MAP3K7CL: variants seen among roughly 807,000 people sequenced by gnomAD.
The protein encoded by MAP3K7CL is MAP3K7 C-terminal-like protein.
MAP3K7CL carries 16 observed loss-of-function variants against 18.6 expected under a neutral mutation model. The ratio of observed to expected loss-of-function variants is 0.86; its 90% CI spans 0.58 to 1.31. The LOEUF (loss-of-function observed/expected upper bound fraction) is 1.31, where lower values mean the gene tolerates loss of function less well. MAP3K7CL is among the 50% of genes most tolerant of loss of function. The probability of loss-of-function intolerance (pLI) is 0.00; values close to 1 mark genes in which losing one functional copy is unlikely to be tolerated. For synonymous variants in MAP3K7CL, 65 were observed against 66.8 expected (o/e 0.97, Z 0.13); for missense variants, 163 against 174.4 (o/e 0.93, Z 0.37).
chr21:29,121,373 A>G (rs989558844), intron 4 of MAP3K7CL, among the ~76,000 whole-genome samples: 1 of 152,166 alleles, frequency 6.6e-6, no homozygotes, highest in South Asian at 2.1e-4. Context: ...TAACGGTATC[A>G]GTTGTGCCTT....
chr21:29,101,280 A>G (rs948032137), intron 4 of MAP3K7CL, among the ~76,000 whole-genome samples: 5 of 152,358 alleles, frequency 3.3e-5, no homozygotes, highest in South Asian at 2.1e-4. Context: ...TGTCTAGCAC[A>G]GAGTATCTGC....
chr21:29,122,391 A>C (rs949730761), intron 4 of MAP3K7CL, among the ~76,000 whole-genome samples: 1 of 152,204 alleles, frequency 6.6e-6, no homozygotes, highest in African/African-American at 2.4e-5. Flanking sequence ...TTAACAGCTC[A>C]ATGTGACAGC....
chr21:29,113,026 C>T (rs1266573959), intron 4 of MAP3K7CL, among the ~76,000 whole-genome samples: 2 of 152,174 alleles, frequency 1.3e-5, no homozygotes, highest in African/African-American at 2.4e-5. Context: ...CCAGGCTAGT[C>T]TCAAACTCCT....
chr21:29,145,554 G>A (rs1367645957), intron 2 of MAP3K7CL: 1 of 151,542 alleles, frequency 6.6e-6, no homozygotes, highest in African/African-American at 2.4e-5. Context: ...ACCAGTCAAA[G>A]AAGGCAGCCA....
chr21:29,110,397 C>T (rs2086399053), intron 4 of MAP3K7CL, among the ~76,000 whole-genome samples: 1 of 151,828 alleles, frequency 6.6e-6, no homozygotes, highest in South Asian at 2.1e-4. Flanking sequence ...TTTTTTATCT[C>T]TGTATCTTTT....
chr21:29,163,067 C>T lies in MAP3K7CL; in HGVS notation c.248+3011C>T, dbSNP rs556961080. Among the ~76,000 whole-genome samples the T allele has an allele frequency of 3.9e-5, 6 of 152,076 alleles. No homozygotes were observed. In the South Asian group the frequency reaches 8.3e-4, roughly 21 times the overall value. On this transcript the variant is annotated intron_variant, in intron 4 of 4. Transcript: ENST00000399928. ...CGGAGGTTGCAGTGAGCCAAGATCA[C>T]GCCACTGCATTCCAGCCTGGGTGAC...
intron 2 of MAP3K7CL, among the ~76,000 whole-genome samples, chr21:29,147,266 ATATG>A (rs1568961232): frequency 2.6e-5 from 4 of 151,972 alleles, no homozygotes; most frequent in African/African-American, 9.7e-5. Context: ...TATGTGTACT[ATATG>A]TATAAGTGTA....
Position 29,123,055 on chromosome 21 carries a change from C to CT in MAP3K7CL, c.371-26110dup, listed in dbSNP as rs1166550061. On this transcript the variant is annotated intron_variant, in intron 4 of 6. Transcript: ENST00000286791. ...AAGTCAATACTGGAGAAGAAATGAT[C>CT]TTTTTTTTTTTTTTTTTTTTTTTTG... Among the ~76,000 whole-genome samples, 466 of 89,292 alleles carry CT rather than the reference C, an allele frequency of 5.2e-3. 4 individuals carry two copies. Among genetic ancestry groups the CT allele is most frequent in the South Asian group, 0.013 (35 of 2,632 alleles). 58.6% of individuals were successfully genotyped at this position (89,292 alleles called of 152,430 possible).
rs2087440726 is a variant in MAP3K7CL at position 29,157,690 on chromosome 21, TAAC to T, written c.133-2246_133-2244del. Reference sequence around the variant, plus strand: ...GTGGCATGATCGCTCTACCTATAGATAACAACATCTTGAATTTCCCACAATTAA... The same window carrying T: ...GTGGCATGATCGCTCTACCTATAGATAACATCTTGAATTTCCCACAATTAA... On this transcript the variant is annotated intron_variant, in intron 3 of 4. Coordinates refer to ENST00000399928, the MANE Select transcript of MAP3K7CL (RefSeq NM_001286620.2). 5.3e-5 allele frequency among the ~76,000 whole-genome samples: 8 copies of T among 152,304 alleles called. 1 individual carries two copies. Among genetic ancestry groups the T allele is most frequent in the African/African-American group, 1.9e-4 (8 of 41,578 alleles).
intron 1 of MAP3K7CL, among the ~76,000 whole-genome samples, chr21:29,089,909 G>T (rs2085992948): frequency 1.3e-5 from 2 of 151,466 alleles, no homozygotes; most frequent in Non-Finnish European, 2.9e-5. Flanking sequence ...GAGAAAGGAA[G>T]GGAGTAAGGA....
At chr21:29,089,003 C>T (rs1346124905) in intron 1 of MAP3K7CL, among the ~76,000 whole-genome samples, 1 of 151,892 alleles carries the variant, frequency 6.6e-6, no homozygotes, top group Non-Finnish European at 1.5e-5. Flanking sequence ...AACCCCGTCT[C>T]TACTAAAAAT....
intron 4 of MAP3K7CL, among the ~76,000 whole-genome samples, chr21:29,123,055 C>CTTTTTTTT (rs1166550061): frequency 5.6e-5 from 5 of 89,334 alleles, no homozygotes; most frequent in Non-Finnish European, 9.9e-5. Flanking sequence ...AAGAAATGAT[C>CTTTTTTTT]TTTTTTTTTT....
chr21:29,077,479 C>G (rs1462957238), upstream of MAP3K7CL: 1 of 153,604 alleles, frequency 6.5e-6, no homozygotes, highest in East Asian at 1.9e-4. Context: ...CGCGCAGCCC[C>G]GGTTCCTGCC....
chr21:29,165,612 C>A (rs1476752398), intron 4 of MAP3K7CL, among the ~76,000 whole-genome samples: 2 of 152,226 alleles, frequency 1.3e-5, no homozygotes, highest in African/African-American at 4.8e-5. Context: ...TGCTCAGTCT[C>A]CCAGGCTGCA....
chr21:29,160,630 G>T (rs540192194), intron 4 of MAP3K7CL, among the ~76,000 whole-genome samples: 1 of 152,076 alleles, frequency 6.6e-6, no homozygotes, highest in African/African-American at 2.4e-5. Context: ...ACTTGATTCC[G>T]CCAGTGCCTA....
chr21:29,121,509 T>C (rs2086594230), intron 4 of MAP3K7CL, among the ~76,000 whole-genome samples: 1 of 152,138 alleles, frequency 6.6e-6, no homozygotes, highest in African/African-American at 2.4e-5. Context: ...GAATATAGGC[T>C]CATTCAGAGC....
chr21:29,101,962 C>T (rs1048324247), intron 4 of MAP3K7CL, among the ~76,000 whole-genome samples: 8 of 152,168 alleles, frequency 5.3e-5, no homozygotes, highest in African/African-American at 1.9e-4. Flanking sequence ...TATGTACTCT[C>T]TGGGTGTGCA....
chr21:29,131,890 T>A (rs1161812534), intron 1 of MAP3K7CL, among the ~76,000 whole-genome samples: 1 of 152,204 alleles, frequency 6.6e-6, no homozygotes, highest in Non-Finnish European at 1.5e-5. Flanking sequence ...GACACTATTT[T>A]TAGATAGATA....
chr21:29,083,356 G>A (rs2085869035), upstream of MAP3K7CL, among the ~76,000 whole-genome samples: 1 of 152,204 alleles, frequency 6.6e-6, no homozygotes, highest in Non-Finnish European at 1.5e-5. Context: ...GACCATTAAA[G>A]TTTTAGTCCT....
Sources: allele counts gnomAD v4.1 joint callset (sites outside exome capture counted in the v4.1 genomes callset), GRCh38; gene constraint gnomAD v4.1.1; transcripts MANE v1.5; gene names NCBI Gene and HGNC (gene_info 2026-07-23, HGNC 2026-07-21).